The following FAM184B variants were observed in gnomAD, a reference collection of about 807,000 sequenced individuals.
The protein encoded by FAM184B is protein FAM184B.
Under a neutral mutation model 135.9 loss-of-function variants are expected in FAM184B, and 111 were observed. That is an observed-to-expected ratio of 0.82 (90% CI 0.70 to 0.96). The LOEUF is 0.96. FAM184B is among the 40% of genes least tolerant of loss of function. The pLI is 0.00. For missense variants in FAM184B, 1,375 were observed against 1,323.9 expected (o/e 1.04, Z -0.60); for synonymous variants, 552 against 524.8 (o/e 1.05, Z -0.71).
intron 1 of FAM184B, among the ~76,000 whole-genome samples, chr4:17,713,544 ACTATGTGC>A (rs1462111087): frequency 2.6e-5 from 4 of 152,238 alleles, no homozygotes; most frequent in Non-Finnish European, 4.4e-5. Context: ...AATCAAATTT[ACTATGTGC>A]CTAGCACAGG....
At chr4:17,660,676 C>G (rs963150266) in intron 8 of FAM184B, among the ~76,000 whole-genome samples, 2 of 151,864 alleles carry the variant, frequency 1.3e-5, no homozygotes, top group African/African-American at 2.4e-5. Context: ...TGACAAATGT[C>G]TTTAGAAGAG....
intron 7 of FAM184B, among the ~76,000 whole-genome samples, chr4:17,666,887 A>G (rs1716061106): frequency 6.6e-6 from 1 of 151,326 alleles, no homozygotes; most frequent in African/African-American, 2.4e-5. Context: ...GTCACGGGCC[A>G]CTCCAGATAG....
At position 17,632,599 on chromosome 4, in the gene FAM184B, G is replaced by A; in HGVS notation, c.3116C>T (p.Ala1039Val). 1 of 1,551,036 alleles carries A rather than the reference G, an allele frequency of 6.4e-7. No individual in the cohort carries two copies. The highest frequency in any genetic ancestry group is 8.7e-7 in the Non-Finnish European group (1 of 1,146,696). The change falls in exon 18 of 18, where the codon GCC becomes GTC. Residue 1039 changes from alanine to valine, a missense_variant. Transcript: ENST00000265018. ...GCCCTGTTTCTGCTGGACTTCTTTG[G>A]CTTGGGCCGTTTCACCATCTGGGGT... ...TRTPDGETAQ[A>V]KEVQQKQGSP...
At chr4:17,702,975 G>C (rs577229759) in intron 5 of FAM184B, among the ~76,000 whole-genome samples, 2 of 152,196 alleles carry the variant, frequency 1.3e-5, no homozygotes, top group African/African-American at 4.8e-5. Flanking sequence ...GGGAAGCCAC[G>C]GGCTCTGGAG....
At chr4:17,758,102 C>T (rs1341213740) in intron 1 of FAM184B, among the ~76,000 whole-genome samples, 1 of 152,174 alleles carries the variant, frequency 6.6e-6, no homozygotes, top group African/African-American at 2.4e-5. Flanking sequence ...GCTGTGTGTC[C>T]TCAGAGAAGC....
chr4:17,767,131 GAACTC>G (rs1400627070), intron 1 of FAM184B, among the ~76,000 whole-genome samples: 1 of 152,174 alleles, frequency 6.6e-6, no homozygotes, highest in Non-Finnish European at 1.5e-5. Flanking sequence ...CGCCCACCCG[GAACTC>G]GCGCTGGCCC....
In FAM184B at chr4:17,778,127, C is replaced by A. The variant is rs142768672; in HGVS notation, c.141+3032G>T. 2.0e-3 allele frequency among the ~76,000 whole-genome samples: 301 copies of A among 150,726 alleles called. 1 individual carries two copies. The highest frequency in any genetic ancestry group is 6.8e-3 in the African/African-American group (282 of 41,170). On this transcript the variant is annotated intron_variant, in intron 1 of 17. Coordinates refer to ENST00000265018, the MANE Select transcript of FAM184B (RefSeq NM_015688.2). ...TGCAGAGGATAAAGATAAACTAACA[C>A]CAAGACAGTTCTAGAAAACCTGCTG...
intron 13 of FAM184B, 68 bp downstream of exon 13, chr4:17,641,988 A>AGGGGGAGGGGGGGTGGCGGGGT: frequency 2.6e-5 from 25 of 964,232 alleles, no homozygotes; most frequent in East Asian, 3.3e-5. Flanking sequence ...CAGCCGCAGT[A>AGGGGGAGGGGGGGTGGCGGGGT]GGGGGAGGGG....
intron 5 of FAM184B, among the ~76,000 whole-genome samples, chr4:17,696,589 A>T (rs1423798081): frequency 1.3e-5 from 2 of 152,198 alleles, no homozygotes; most frequent in African/African-American, 4.8e-5. Context: ...AGGCAGGAGA[A>T]TTGTTTGAAG....
chr4:17,659,906 G>A (rs1715872627), intron 9 of FAM184B, 52 bp downstream of exon 9: 2 of 1,541,246 alleles, frequency 1.3e-6, no homozygotes, highest in Admixed American at 2.0e-5. Context: ...TTTGTAAAAA[G>A]GAGGGGGCAG....
In FAM184B at chr4:17,719,372, CA is replaced by C. The variant is rs144822696; in HGVS notation, c.142-9729del. On this transcript the variant is annotated intron_variant, in intron 1 of 17. Transcript: ENST00000265018. ...CGGCACAAGATTTCATCATGCTACT[CA>C]CAACGACAAATAATTTAAAACTTAT... 2.6e-3 allele frequency among the ~76,000 whole-genome samples: 392 copies of C among 152,302 alleles called. 2 individuals carry two copies. Among genetic ancestry groups the C allele is most frequent in the African/African-American group, 8.6e-3 (359 of 41,562 alleles).
chr4:17,721,383 C>CAAAAAAAAAACAAAAAAAAAAAAAAA (rs1717523527), intron 1 of FAM184B, among the ~76,000 whole-genome samples: 1 of 47,384 alleles, frequency 2.1e-5, no homozygotes, highest in Non-Finnish European at 4.0e-5. Context: ...GATTCTGTCT[C>CAAAAAAAAAACAAAAAAAAAAAAAAA]AAAAAAAAAA....
intron 1 of FAM184B, among the ~76,000 whole-genome samples, chr4:17,774,414 G>A (rs1718879279): frequency 6.6e-6 from 1 of 152,168 alleles, no homozygotes; most frequent in African/African-American, 2.4e-5. Context: ...CAGCTGGAGA[G>A]TGCTGGGAGG....
At chr4:17,742,168 A>ATATATTTTTTTTTT (rs1459958150) in intron 1 of FAM184B, among the ~76,000 whole-genome samples, 2 of 109,310 alleles carry the variant, frequency 1.8e-5, no homozygotes, top group African/African-American at 9.6e-5. Flanking sequence ...ATATATATAT[A>ATATATTTTTTTTTT]TTTTTTTTTT....
intron 1 of FAM184B, among the ~76,000 whole-genome samples, chr4:17,747,035 A>T (rs1263248814): frequency 8.0e-6 from 1 of 125,538 alleles, no homozygotes; most frequent in Non-Finnish European, 1.7e-5. Context: ...ACAGAATGAG[A>T]CTCCATCTCA....
chr4:17,680,752 C>T (rs1312342199), intron 7 of FAM184B, among the ~76,000 whole-genome samples: 2 of 152,204 alleles, frequency 1.3e-5, no homozygotes, highest in African/African-American at 4.8e-5. Context: ...TGCTTCCTCC[C>T]ACTTCCTCCC....
intron 5 of FAM184B, among the ~76,000 whole-genome samples, chr4:17,700,197 T>A (rs1375767759): frequency 6.6e-6 from 1 of 152,154 alleles, no homozygotes; most frequent in Admixed American, 6.5e-5. Flanking sequence ...TAATGATAAT[T>A]ACATTAAATG....
intron 7 of FAM184B, among the ~76,000 whole-genome samples, chr4:17,672,797 T>G (rs1716209272): frequency 6.6e-6 from 1 of 152,190 alleles, no homozygotes; most frequent in South Asian, 2.1e-4. Flanking sequence ...TTGTTAAGGA[T>G]TTTTAGCATC....
rs575320438 is a variant in FAM184B, at chr4:17,660,179, G to A, written c.1695-92C>T. ...AACGTGCCAGCCACTGTGCCTGGGA[G>A]GAGAAAGCTCCGATAGCAGTTAGTG... On this transcript the variant is annotated intron_variant, in intron 8 of 17. Coordinates refer to ENST00000265018, the MANE Select transcript of FAM184B (RefSeq NM_015688.2). 15 of 1,442,536 alleles carry A rather than the reference G, an allele frequency of 1.0e-5. No homozygotes were observed. The East Asian group carries it at 3.2e-4, about 31-fold the overall frequency. 89.4% of individuals were successfully genotyped at this position (1,442,536 alleles called of 1,614,324 possible). A position where few individuals can be genotyped will look rare whatever the true frequency, so the allele number is the denominator to read the frequency against.
Sources: allele counts gnomAD v4.1 joint callset (sites outside exome capture counted in the v4.1 genomes callset), GRCh38; gene constraint gnomAD v4.1.1; transcripts MANE v1.5; gene names NCBI Gene and HGNC (gene_info 2026-07-23, HGNC 2026-07-21).